The following NFIB variants were observed in gnomAD, a reference collection of about 807,000 sequenced individuals.
NFIB encodes the protein nuclear factor 1 B-type.
A neutral mutation model predicts 61.5 loss-of-function variants in NFIB; 11 were observed. The ratio of observed to expected loss-of-function variants is 0.18; its 90% CI spans 0.11 to 0.30. The LOEUF (loss-of-function observed/expected upper bound fraction) is 0.30. Among genes scored for constraint, NFIB ranks in the 10% least tolerant of loss-of-function variants. The pLI is 1.00. For synonymous variants in NFIB, 260 were observed against 216.5 expected (o/e 1.20, Z -1.76); for missense variants, 471 against 608.9 (o/e 0.77, Z 2.38).
At chr9:14,249,322 T>C (rs934253357) in intron 2 of NFIB, among the ~76,000 whole-genome samples, 15 of 152,198 alleles carry the variant, frequency 9.9e-5, no homozygotes, top group African/African-American at 3.6e-4. Flanking sequence ...GGAGATGAGA[T>C]ACTACCTAAG....
Position 14,313,331 on chromosome 9 carries a change from C to A in NFIB, c.30+151G>T, listed in dbSNP as rs1463319917. 1.3e-5 allele frequency: 14 copies of A among 1,094,912 alleles called. No individual in the cohort carries two copies. The East Asian group carries it at 4.0e-4, about 31-fold the overall frequency. 67.8% of individuals were successfully genotyped at this position (1,094,912 alleles called of 1,614,324 possible). A position where few individuals can be genotyped will look rare whatever the true frequency, so the allele number is the denominator to read the frequency against. Reference sequence around the variant, plus strand: ...GAGGGGCCGCTCCCGGCTCCCACGCCGCCCCGCGACGCCCGCTGCAACTCC... The same window carrying A: ...GAGGGGCCGCTCCCGGCTCCCACGCAGCCCCGCGACGCCCGCTGCAACTCC... On this transcript the variant is annotated intron_variant, in intron 1 of 10. Transcript: ENST00000380953. The surrounding 1 kb of genome is among the most constrained non-coding windows in gnomAD (Gnocchi z 4.5).
chr9:14,168,071 G>A (rs1488951476), intron 3 of NFIB, among the ~76,000 whole-genome samples: 2 of 152,178 alleles, frequency 1.3e-5, no homozygotes, highest in African/African-American at 4.8e-5. Flanking sequence ...CTAGGATGTG[G>A]TATACCTACA....
At chr9:14,372,555 A>G (rs551697317) in intron 1 of NFIB, among the ~76,000 whole-genome samples, 1 of 152,284 alleles carries the variant, frequency 6.6e-6, no homozygotes, top group East Asian at 1.9e-4. Context: ...TTAATGACCA[A>G]AAGCTAGCCT....
intron 2 of NFIB, among the ~76,000 whole-genome samples, chr9:14,299,400 T>C (rs933622849): frequency 1.3e-5 from 2 of 152,224 alleles, no homozygotes; most frequent in African/African-American, 4.8e-5. Flanking sequence ...ACTTCAAAAT[T>C]CAATGAATAC....
In NFIB at chr9:14,217,609, G is replaced by A. The variant is rs965837444; in HGVS notation, c.563-37829C>T. Among the ~76,000 whole-genome samples the A allele has an allele frequency of 5.8e-5, 8 of 138,644 alleles. No homozygotes were observed. The East Asian group carries it at 1.2e-3, about 20-fold the overall frequency. 91.0% of individuals were successfully genotyped at this position (138,644 alleles called of 152,430 possible). On this transcript the variant is annotated intron_variant, in intron 2 of 10. Coordinates refer to ENST00000380953, the MANE Select transcript of NFIB (RefSeq NM_001190737.2). ...CAGGAAGTGGAGGTTGCGGTGAGCC[G>A]AGATTGCAACATTGCATGCCAGCCT...
intron 2 of NFIB, among the ~76,000 whole-genome samples, chr9:14,291,043 G>C (rs1363942175): frequency 1.3e-5 from 2 of 152,022 alleles, no homozygotes; most frequent in African/African-American, 4.8e-5. Flanking sequence ...TTAGCTACTA[G>C]AAGTAGCTGA....
chr9:14,465,996 T>C, the NFIB span, among the ~76,000 whole-genome samples: 7 of 152,166 alleles, frequency 4.6e-5, no homozygotes, highest in African/African-American at 1.7e-4. Flanking sequence ...TGGTCTCCAA[T>C]AGAAAAGCAC....
At chr9:14,395,098 G>T (rs924065339) in intron 1 of NFIB, among the ~76,000 whole-genome samples, 1 of 152,024 alleles carries the variant, frequency 6.6e-6, no homozygotes, top group Non-Finnish European at 1.5e-5. Flanking sequence ...CTAGACTGGT[G>T]TCTGGTGGCT....
At chr9:14,498,724 T>A in the NFIB span, among the ~76,000 whole-genome samples, 1 of 150,860 alleles carries the variant, frequency 6.6e-6, no homozygotes, top group African/African-American at 2.4e-5. Flanking sequence ...GTAGCTAGTC[T>A]AAGAACTGTC....
At position 14,223,537 on chromosome 9, in the gene NFIB, ATTAT is replaced by A. The variant is rs565651558; in HGVS notation, c.563-43761_563-43758del. ...GTCTATAAAAATGTAGAAACCACTA[ATTAT>A]TTAATAATTACACTGACTCTTTTTA... On this transcript the variant is annotated intron_variant, in intron 2 of 10. Transcript: ENST00000380953. Among the ~76,000 whole-genome samples, 8 of 152,270 alleles carry A rather than the reference ATTAT, an allele frequency of 5.3e-5. No individual in the cohort carries two copies. In the East Asian group the frequency reaches 1.5e-3, roughly 29 times the overall value.
intron 10 of NFIB, among the ~76,000 whole-genome samples, chr9:14,097,710 A>G (rs1272023820): frequency 6.6e-6 from 1 of 152,036 alleles, no homozygotes; most frequent in Non-Finnish European, 1.5e-5. Flanking sequence ...ATTGAAAGTT[A>G]TTTTTTGTTT....
intron 1 of NFIB, among the ~76,000 whole-genome samples, chr9:14,342,292 G>T (rs1233625781): frequency 2.0e-5 from 3 of 152,102 alleles, no homozygotes; most frequent in Non-Finnish European, 4.4e-5. Context: ...ACTACTATAG[G>T]GTCTGCAGTG....
upstream of NFIB, chr9:14,314,172 G>T: frequency 2.3e-6 from 2 of 868,146 alleles, no homozygotes; most frequent in Non-Finnish European, 2.7e-6. Flanking sequence ...GCGGGAGAGG[G>T]CCGGGGTGGG....
intron 1 of NFIB, among the ~76,000 whole-genome samples, chr9:14,324,759 T>C (rs937178130): frequency 6.6e-6 from 1 of 152,120 alleles, no homozygotes; most frequent in African/African-American, 2.4e-5. Context: ...TTATCTTTTT[T>C]TATTTGGATG....
intron 2 of NFIB, among the ~76,000 whole-genome samples, chr9:14,191,557 T>G (rs556259535): frequency 6.6e-6 from 1 of 152,320 alleles, no homozygotes; most frequent in South Asian, 2.1e-4. Context: ...CCATTTTGTC[T>G]TGTTACTCAT....
chr9:14,414,825 CCTG>C, the NFIB span, among the ~76,000 whole-genome samples: 1 of 152,030 alleles, frequency 6.6e-6, no homozygotes, highest in Non-Finnish European at 1.5e-5. Context: ...TTTTATTGAG[CCTG>C]ACACTTAGGC....
At chr9:14,456,354 A>T in the NFIB span, among the ~76,000 whole-genome samples, 1 of 152,138 alleles carries the variant, frequency 6.6e-6, no homozygotes, top group African/African-American at 2.4e-5. Context: ...ACTACTTAAT[A>T]ATAAAGTTTT....
chr9:14,328,590 T>A (rs1051198779), intron 1 of NFIB, among the ~76,000 whole-genome samples: 2 of 152,052 alleles, frequency 1.3e-5, no homozygotes, highest in Non-Finnish European at 2.9e-5. Context: ...ACCTAAAAAA[T>A]TTGTTTCATG....
chr9:14,482,535 C>G, the NFIB span, among the ~76,000 whole-genome samples: 1 of 152,136 alleles, frequency 6.6e-6, no homozygotes, highest in Non-Finnish European at 1.5e-5. Context: ...TCACATAGAA[C>G]GTAAGTAAAG....
Sources: allele counts gnomAD v4.1 joint callset (sites outside exome capture counted in the v4.1 genomes callset), GRCh38; gene constraint gnomAD v4.1.1; non-coding constraint Gnocchi (gnomAD v3.1); transcripts MANE v1.5; gene names NCBI Gene and HGNC (gene_info 2026-07-23, HGNC 2026-07-21).